LRRK2: variants seen among roughly 807,000 people sequenced by gnomAD.
The protein encoded by LRRK2 is leucine rich repeat kinase 2, also known as leucine-rich repeat serine/threonine-protein kinase 2.
A neutral mutation model predicts 302.6 loss-of-function variants in LRRK2; 203 were observed. That is an observed-to-expected ratio of 0.67 (90% CI 0.60 to 0.75). The LOEUF is 0.75. Ranked by LOEUF, LRRK2 falls within the 30% of genes least tolerant of loss-of-function variation. The pLI, the probability that LRRK2 is intolerant of heterozygous loss-of-function variation, is 0.00. For synonymous variants in LRRK2, 1,066 were observed against 1,031.9 expected (o/e 1.03, Z -0.63); for missense variants, 2,830 against 2,951.0 (o/e 0.96, Z 0.95).
At chr12:40,250,335 T>A (rs560645206) in intron 8 of LRRK2, among the ~76,000 whole-genome samples, 1 of 152,006 alleles carries the variant, frequency 6.6e-6, no homozygotes, top group Admixed American at 6.6e-5. Flanking sequence ...ACTAAAAATA[T>A]AAAAATTAGT....
intron 5 of LRRK2, among the ~76,000 whole-genome samples, chr12:40,238,839 T>G (rs1291751844): frequency 2.0e-5 from 3 of 152,220 alleles, no homozygotes; most frequent in African/African-American, 7.2e-5. Context: ...ATAGATCACC[T>G]GATAACTGTT....
chr12:40,257,324 T>G lies in LRRK2; in HGVS notation c.1365T>G (p.Ser455=). ...VLELMQKHIH[S]PEVAESGCKM... is the part of the protein sequence containing the mutation. ...AGTTAATGCAGAAGCATATACATTC[T>G]CCTGAAGTGGCTGAAAGTGGCTGTA... The change falls in exon 12 of 51, where the codon TCT becomes TCG. Residue 455 remains serine, a synonymous_variant. Transcript: ENST00000298910. 1 of 1,612,404 alleles carries G rather than the reference T, an allele frequency of 6.2e-7. No individual in the cohort carries two copies. Among genetic ancestry groups the G allele is most frequent in the South Asian group, 1.1e-5 (1 of 91,056 alleles).
At chr12:40,264,629 A>C (rs965350769) in intron 14 of LRRK2, among the ~76,000 whole-genome samples, 1 of 152,204 alleles carries the variant, frequency 6.6e-6, no homozygotes, top group Non-Finnish European at 1.5e-5. Context: ...CAAAACAAAA[A>C]CAAAAACAGA....
At chr12:40,289,027 A>C (rs1005013861) in intron 20 of LRRK2, among the ~76,000 whole-genome samples, 1 of 151,830 alleles carries the variant, frequency 6.6e-6, no homozygotes, top group African/African-American at 2.4e-5. Context: ...TTCTCTTAGA[A>C]GTGTTAAAAT....
chr12:40,269,518 C>A (rs556992689), intron 14 of LRRK2, among the ~76,000 whole-genome samples: 1 of 152,226 alleles, frequency 6.6e-6, no homozygotes, highest in African/African-American at 2.4e-5. Flanking sequence ...CCCTCCTGAC[C>A]TGCAACACAT....
intron 14 of LRRK2, among the ~76,000 whole-genome samples, chr12:40,265,313 T>C (rs1310812572): frequency 6.6e-6 from 1 of 152,226 alleles, no homozygotes; most frequent in African/African-American, 2.4e-5. Context: ...ATGGCTGTTG[T>C]GAAACCTTGG....
chr12:40,309,885 AT>A (rs1286774935), intron 30 of LRRK2, among the ~76,000 whole-genome samples: 1 of 152,144 alleles, frequency 6.6e-6, no homozygotes, highest in Non-Finnish European at 1.5e-5. Context: ...TTGTTTTGTA[AT>A]TTGGGTATTT....
intron 12 of LRRK2, among the ~76,000 whole-genome samples, chr12:40,257,638 G>C (rs963746919): frequency 6.6e-6 from 1 of 152,194 alleles, no homozygotes; most frequent in Non-Finnish European, 1.5e-5. Context: ...ATTTTGAAAA[G>C]TGGTAATTGT....
intron 43 of LRRK2, among the ~76,000 whole-genome samples, chr12:40,349,622 A>G (rs563250147): frequency 2.6e-5 from 4 of 152,248 alleles, no homozygotes; most frequent in African/African-American, 9.6e-5. Context: ...CCTGGGCTCA[A>G]GTGATCCTGT....
chr12:40,314,187 G>T lies in LRRK2; in HGVS notation c.4738+14G>T. 1 of 1,610,408 alleles carries T rather than the reference G, an allele frequency of 6.2e-7. No individual in the cohort carries two copies. Among genetic ancestry groups the T allele is most frequent in the Non-Finnish European group, 8.5e-7 (1 of 1,177,334 alleles). On this transcript the variant is annotated intron_variant, in intron 32 of 50. Coordinates refer to ENST00000298910, the MANE Select transcript of LRRK2 (RefSeq NM_198578.4). ...TAAATGAATCAGGTTTGTGTTTTTC[G>T]TTCCTTATTTTCAAAGCTCAGCTGT...
intron 4 of LRRK2, 95 bp from the exon 5 acceptor site, chr12:40,237,874 C>A (rs1231608881): frequency 1.5e-6 from 2 of 1,338,572 alleles, no homozygotes; most frequent in Non-Finnish European, 2.1e-6. Context: ...ACAAACCATT[C>A]ACAGTCTTCA....
rs750540372 is a variant in LRRK2 at position 40,322,490 on chromosome 12, T to C, written c.5489T>C (p.Leu1830Ser). ...EEHQKILLDD[L>S]MKKAEEGDLL... ...CATCAAAAAATCTTACTTGATGACT[T>C]GATGAAGAAAGCAGAGGAAGGTATG... The change falls in exon 37 of 51, where the codon TTG (leucine) becomes TCG (serine). Residue 1830 changes from leucine (L) to serine (S), a missense_variant. This residue lies in a region of LRRK2 where 2,121 missense variants were observed against 2,148.0 expected (regional missense o/e 0.99). Transcript: ENST00000298910. 3 of 1,613,210 alleles carry C rather than the reference T, an allele frequency of 1.9e-6. No homozygotes were observed. Among genetic ancestry groups the C allele is most frequent in the Non-Finnish European group, 2.5e-6 (3 of 1,179,322 alleles).
At chr12:40,279,738 TC>T (rs562545912) in intron 18 of LRRK2, among the ~76,000 whole-genome samples, 4 of 152,254 alleles carry the variant, frequency 2.6e-5, no homozygotes, top group Non-Finnish European at 5.9e-5. Context: ...CTTTCCATAT[TC>T]TTTTGGACTT....
chr12:40,307,341 CTG>C (rs1944859555), intron 28 of LRRK2, among the ~76,000 whole-genome samples: 2 of 152,078 alleles, frequency 1.3e-5, no homozygotes, highest in South Asian at 4.1e-4. Flanking sequence ...TAATTTGAAA[CTG>C]TGGCAACATT....
rs1369194825 is a variant in LRRK2, at chr12:40,304,129, A to G, written c.3772A>G (p.Lys1258Glu). ...EKLHLSHNKL[K>E]EIPPEIGCLE... ...ACTGCATCTTTCTCACAATAAACTG[A>G]AAGAGGTAAGACGATTATTGCCACT... Residue 1258 changes from lysine (K) to glutamate (E), a missense_variant, in exon 27 of 51, where the codon AAA (lysine) becomes GAA (glutamate). Physicochemically the swap from Lys to Glu is moderately conservative, Grantham distance 56. Coordinates refer to ENST00000298910, the MANE Select transcript of LRRK2 (RefSeq NM_198578.4). 6.2e-7 allele frequency: 1 copy of G among 1,612,844 alleles called. No individual in the cohort carries two copies. The highest frequency in any genetic ancestry group is 8.5e-7 in the Non-Finnish European group (1 of 1,179,330).
chr12:40,231,550 C>T (rs1263070078), intron 2 of LRRK2, among the ~76,000 whole-genome samples: 2 of 141,022 alleles, frequency 1.4e-5, no homozygotes, highest in Non-Finnish European at 3.0e-5. Context: ...CAGAGTGAGA[C>T]CCTATCTCAA....
chr12:40,354,408 C>T lies in LRRK2; in HGVS notation c.6686C>T (p.Thr2229Ile). 1 of 1,614,032 alleles carries T rather than the reference C, an allele frequency of 6.2e-7. No homozygotes were observed. Among genetic ancestry groups the T allele is most frequent in the East Asian group, 2.2e-5 (1 of 44,854 alleles). ...TQSGTLLVINTEDGKKRHTLE... is the reference protein window; with the variant it reads ...TQSGTLLVINIEDGKKRHTLE... ...TCTGGTACTCTCCTGGTCATCAATA[C>T]CGAAGATGGGAAAAAGAGACATACC... The change falls in exon 45 of 51, where the codon ACC becomes ATC. Residue 2229 changes from threonine (T) to isoleucine (I), a missense_variant. Physicochemically the swap from Thr to Ile is moderately conservative, Grantham distance 89 (BLOSUM62 -1). Coordinates refer to ENST00000298910, the MANE Select transcript of LRRK2 (RefSeq NM_198578.4).
intron 13 of LRRK2, among the ~76,000 whole-genome samples, chr12:40,260,555 G>A (rs1338247052): frequency 6.6e-6 from 1 of 151,878 alleles, no homozygotes; most frequent in Admixed American, 6.6e-5. Context: ...CAAAGAAAAG[G>A]GCCTTGAATG....
intron 3 of LRRK2, 21 bp from the exon 4 acceptor site, chr12:40,235,605 G>T: frequency 1.3e-6 from 2 of 1,509,746 alleles, no homozygotes; most frequent in Non-Finnish European, 1.8e-6. Context: ...TTCTTATCTT[G>T]ATTTCTGTTT....
Sources: gnomAD v4.1 joint callset for allele counts (sites outside exome capture counted in the v4.1 genomes callset) on GRCh38, gnomAD v4.1.1 for gene constraint, gnomAD v4.1.1 regional missense constraint, MANE v1.5 for transcripts, NCBI Gene and HGNC (gene_info 2026-07-23, HGNC 2026-07-21) for gene names.